Variants in ESR1 observed in about 807,000 individuals in gnomAD.
The protein encoded by ESR1 is estrogen receptor.
In ESR1, 12 loss-of-function variants were observed where a neutral mutation model predicts 52.7. The observed-to-expected ratio is 0.23, with a 90% CI of 0.15 to 0.37. The LOEUF (loss-of-function observed/expected upper bound fraction) is 0.37, where lower values mean the gene tolerates loss of function less well. Ranked by LOEUF, ESR1 falls within the 10% of genes least tolerant of loss-of-function variation. ESR1 has a pLI of 1.00. For missense variants in ESR1, 584 were observed against 779.7 expected, an observed-to-expected ratio of 0.75 and a Z score of 2.99; for synonymous variants, 305 against 316.8, an observed-to-expected ratio of 0.96 and a Z score of 0.39.
intron 1 of ESR1, among the ~76,000 whole-genome samples, chr6:151,673,070 C>T (rs186212760): frequency 0.015 from 2,214 of 152,106 alleles, 25 homozygotes; most frequent in Non-Finnish European, 0.022. Flanking sequence ...TCGTGATCCG[C>T]CCGCCTCAGC....
intron 6 of ESR1, among the ~76,000 whole-genome samples, chr6:152,116,611 C>CT (rs1412426059): frequency 5.3e-5 from 8 of 151,982 alleles, no homozygotes; most frequent in East Asian, 3.9e-4. Context: ...TTTTTTTTAA[C>CT]AATTAGCCTT....
intron 2 of ESR1, among the ~76,000 whole-genome samples, chr6:151,709,695 C>A (rs567301405): frequency 7.9e-5 from 12 of 151,456 alleles, no homozygotes; most frequent in African/African-American, 2.7e-4. Context: ...GTTTTAATTT[C>A]CATTTTCTGA....
At chr6:152,123,498 A>G (rs1256911846) in intron 6 of ESR1, among the ~76,000 whole-genome samples, 4 of 152,222 alleles carry the variant, frequency 2.6e-5, no homozygotes, top group African/African-American at 9.6e-5. Context: ...TTAGAGATTG[A>G]GTACAGGTTT....
chr6:151,969,013 C>T (rs972301115), intron 4 of ESR1, among the ~76,000 whole-genome samples: 5 of 152,114 alleles, frequency 3.3e-5, no homozygotes, highest in African/African-American at 1.2e-4. Context: ...AGCAGAGCTT[C>T]AGTTTTGAGT....
intron 1 of ESR1, among the ~76,000 whole-genome samples, chr6:151,813,936 A>T (rs1779221403): frequency 6.6e-6 from 1 of 152,152 alleles, no homozygotes; most frequent in African/African-American, 2.4e-5. Flanking sequence ...CAACCCCAGG[A>T]GGAATGGAAG....
At chr6:152,063,363 G>A (rs2047699968) in intron 6 of ESR1, among the ~76,000 whole-genome samples, 1 of 152,154 alleles carries the variant, frequency 6.6e-6, no homozygotes, top group African/African-American at 2.4e-5. Context: ...AGTACTGCTG[G>A]CTCAGGAGAG....
intron 2 of ESR1, among the ~76,000 whole-genome samples, chr6:151,871,142 G>A (rs958001872): frequency 6.6e-6 from 1 of 151,330 alleles, no homozygotes; most frequent in Non-Finnish European, 1.5e-5. Flanking sequence ...TCCACACCCA[G>A]CCTTCAACTT....
rs889706328 is a variant in ESR1, at chr6:152,094,050, T to A, written c.1370-335T>A. 1.3e-5 allele frequency among the ~76,000 whole-genome samples: 2 copies of A among 152,180 alleles called. No individual in the cohort carries two copies. Among genetic ancestry groups the A allele is most frequent in the Non-Finnish European group, 2.9e-5 (2 of 68,028 alleles). On this transcript the variant is annotated intron_variant, in intron 6 of 7. Coordinates refer to ENST00000206249, the MANE Select transcript of ESR1 (RefSeq NM_000125.4). This position sits in a 1 kb window ranked among gnomAD's most constrained non-coding sequence, Gnocchi z 4.6. Reference sequence around the variant, plus strand: ...GCTCACAGGGTTGTCAGTTACATGGTCAATTACATTACATGGACAATTCAT... The same window carrying A: ...GCTCACAGGGTTGTCAGTTACATGGACAATTACATTACATGGACAATTCAT...
chr6:151,894,248 GT>G (rs966095696), intron 3 of ESR1, among the ~76,000 whole-genome samples: 1 of 150,922 alleles, frequency 6.6e-6, no homozygotes, highest in Non-Finnish European at 1.5e-5. Context: ...GGGATTGTTT[GT>G]TTTTTTTCTT....
intron 1 of ESR1, among the ~76,000 whole-genome samples, chr6:151,681,080 TC>T (rs1463964597): frequency 6.6e-6 from 1 of 152,184 alleles, no homozygotes; most frequent in Admixed American, 6.5e-5. Context: ...ACGTCCTTGT[TC>T]CTGCTCAGTC....
At chr6:151,665,586 T>C (rs898239515) in intron 1 of ESR1, among the ~76,000 whole-genome samples, 1 of 152,060 alleles carries the variant, frequency 6.6e-6, no homozygotes, top group African/African-American at 2.4e-5. Context: ...TCTCCACCAC[T>C]CCACTCCACA....
At position 151,898,384 on chromosome 6, in the gene ESR1, A is replaced by AT. The variant is rs371510396; in HGVS notation, c.760+17628dup. Among the ~76,000 whole-genome samples, 620 of 101,154 alleles carry AT rather than the reference A, an allele frequency of 6.1e-3. 3 individuals carry two copies. Among genetic ancestry groups the AT allele is most frequent in the African/African-American group, 0.011 (305 of 28,242 alleles). The allele number at this position is 101,154 out of a possible 152,430, so 66.4% of individuals were successfully genotyped here. On this transcript the variant is annotated intron_variant, in intron 3 of 7. Coordinates refer to ENST00000206249, the MANE Select transcript of ESR1 (RefSeq NM_000125.4). ...CCCAAACTTCTTGGAGGTTTTGTTC[A>AT]TTTTTTTTTTTTTTTCTTTTCTTTT...
chr6:151,665,496 T>C (rs915308408), intron 1 of ESR1, among the ~76,000 whole-genome samples: 1 of 152,204 alleles, frequency 6.6e-6, no homozygotes, highest in African/African-American at 2.4e-5. Flanking sequence ...CACCAGATCC[T>C]AGCAAGTGAA....
intron 2 of ESR1, among the ~76,000 whole-genome samples, chr6:151,871,184 T>C (rs945671521): frequency 5.2e-4 from 79 of 151,822 alleles, no homozygotes; most frequent in African/African-American, 1.9e-3. Flanking sequence ...ACTATACAAT[T>C]CATCCATGAA....
chr6:151,793,541 G>A (rs1776406159), intron 2 of ESR1, among the ~76,000 whole-genome samples: 1 of 152,124 alleles, frequency 6.6e-6, no homozygotes, highest in Non-Finnish European at 1.5e-5. Flanking sequence ...TGTATTGCCA[G>A]ACTTTTATAC....
intron 3 of ESR1, among the ~76,000 whole-genome samples, chr6:151,942,068 C>T (rs946462771): frequency 6.6e-6 from 1 of 152,156 alleles, no homozygotes; most frequent in African/African-American, 2.4e-5. Context: ...ATCAGGTATG[C>T]TCTGATGAGT....
At chr6:151,992,325 C>T (rs1369621174) in intron 4 of ESR1, among the ~76,000 whole-genome samples, 1 of 152,116 alleles carries the variant, frequency 6.6e-6, no homozygotes, top group South Asian at 2.1e-4. Context: ...TCCATTTCCT[C>T]CTGCCCTCAG....
chr6:152,115,215 T>C (rs964061450), intron 6 of ESR1, among the ~76,000 whole-genome samples: 3 of 152,190 alleles, frequency 2.0e-5, no homozygotes, highest in African/African-American at 7.2e-5. Flanking sequence ...TAAGAATATA[T>C]AGTAGGCATT....
intron 3 of ESR1, among the ~76,000 whole-genome samples, chr6:151,898,987 C>T (rs956795995): frequency 1.1e-4 from 17 of 151,498 alleles, no homozygotes; most frequent in African/African-American, 2.7e-4. Flanking sequence ...CGGGCAGAGG[C>T]GCCCCTCACC....
Sources: allele counts gnomAD v4.1 joint callset (sites outside exome capture counted in the v4.1 genomes callset), GRCh38; gene constraint gnomAD v4.1.1; non-coding constraint Gnocchi (gnomAD v3.1); transcripts MANE v1.5; gene names NCBI Gene and HGNC (gene_info 2026-07-23, HGNC 2026-07-21).